Variants in LINGO2 observed in about 807,000 individuals in gnomAD.
The protein encoded by LINGO2 is leucine-rich repeat and immunoglobulin-like domain-containing nogo receptor-interacting protein 2.
LINGO2 carries 14 observed loss-of-function variants against 30.6 expected under a neutral mutation model. The ratio of observed to expected loss-of-function variants is 0.46; its 90% CI spans 0.30 to 0.72. The LOEUF (loss-of-function observed/expected upper bound fraction) is 0.72, where lower values mean the gene tolerates loss of function less well. LINGO2 is among the 30% of genes least tolerant of loss of function. LINGO2 has a pLI of 0.07. For missense variants in LINGO2, 729 were observed against 751.7 expected (o/e 0.97, Z 0.35); for synonymous variants, 317 against 288.5 (o/e 1.10, Z -1.00).
At chr9:28,990,744 C>G in the LINGO2 span, among the ~76,000 whole-genome samples, 9 of 104,762 alleles carry the variant, frequency 8.6e-5, no homozygotes, top group Admixed American at 3.1e-4. Context: ...CCCAGGCTAA[C>G]AGGGTCTGGA....
At chr9:28,973,642 G>T in the LINGO2 span, among the ~76,000 whole-genome samples, 1 of 152,170 alleles carries the variant, frequency 6.6e-6, no homozygotes, top group East Asian at 1.9e-4. Context: ...CAGCCATGTG[G>T]AACTGTGAGT....
intron 4 of LINGO2, among the ~76,000 whole-genome samples, chr9:28,134,904 C>G (rs751013156): frequency 2.0e-5 from 3 of 152,130 alleles, no homozygotes; most frequent in African/African-American, 7.2e-5. Flanking sequence ...GCTGATTACA[C>G]AGATAAGCTC....
At chr9:28,222,861 A>G (rs925806200) in intron 4 of LINGO2, among the ~76,000 whole-genome samples, 1 of 152,192 alleles carries the variant, frequency 6.6e-6, no homozygotes, top group African/African-American at 2.4e-5. Flanking sequence ...ATACAGCTTT[A>G]AGGATGGTAG....
chr9:28,837,850 T>C, the LINGO2 span, among the ~76,000 whole-genome samples: 1 of 150,912 alleles, frequency 6.6e-6, no homozygotes, highest in South Asian at 2.1e-4. Context: ...TTTGAGGTCA[T>C]GAGCTTTTAT....
the LINGO2 span, among the ~76,000 whole-genome samples, chr9:28,767,480 G>A: frequency 6.6e-6 from 1 of 151,868 alleles, no homozygotes; most frequent in African/African-American, 2.4e-5. Context: ...GTTTAGTCTT[G>A]CCCATTAAAA....
the LINGO2 span, among the ~76,000 whole-genome samples, chr9:28,828,352 T>C: frequency 4.6e-5 from 7 of 152,084 alleles, no homozygotes; most frequent in African/African-American, 1.7e-4. Flanking sequence ...CAAAATATTT[T>C]AGATATTTTA....
intron 1 of LINGO2, among the ~76,000 whole-genome samples, chr9:28,506,479 C>CAGACATATAT (rs1260518228): frequency 1.9e-3 from 22 of 11,332 alleles, no homozygotes; most frequent in Admixed American, 8.7e-3. Flanking sequence ...CACACACACA[C>CAGACATATAT]ATACACATAC....
At chr9:27,959,875 C>T (rs1819750703) in intron 5 of LINGO2, among the ~76,000 whole-genome samples, 2 of 152,136 alleles carry the variant, frequency 1.3e-5, no homozygotes, top group African/African-American at 2.4e-5. Flanking sequence ...GTATTAAAAT[C>T]TCTAACTATG....
the LINGO2 span, among the ~76,000 whole-genome samples, chr9:29,182,505 C>T: frequency 1.2e-3 from 188 of 152,216 alleles, no homozygotes; most frequent in Non-Finnish European, 2.2e-3. Flanking sequence ...ACTGGCTCTT[C>T]CCAGGATGAC....
chr9:28,346,449 T>C (rs1049621294), intron 3 of LINGO2, among the ~76,000 whole-genome samples: 8 of 152,166 alleles, frequency 5.3e-5, no homozygotes, highest in Admixed American at 1.3e-4. Flanking sequence ...TGATGGGCAT[T>C]TGGGTTGGTT....
At chr9:29,079,145 G>GAA in the LINGO2 span, among the ~76,000 whole-genome samples, 8 of 150,644 alleles carry the variant, frequency 5.3e-5, no homozygotes, top group African/African-American at 1.5e-4. Flanking sequence ...ATGTTGACAT[G>GAA]AAAAAAAAAT....
chr9:28,351,918 G>T (rs1008568920), intron 3 of LINGO2, among the ~76,000 whole-genome samples: 3 of 150,510 alleles, frequency 2.0e-5, no homozygotes, highest in South Asian at 2.1e-4. Flanking sequence ...TATCTCAATA[G>T]ATGCAGAAAA....
At chr9:28,980,765 T>G in the LINGO2 span, among the ~76,000 whole-genome samples, 1 of 152,270 alleles carries the variant, frequency 6.6e-6, no homozygotes, top group South Asian at 2.1e-4. Flanking sequence ...CTCTGCTTCA[T>G]TTCCTATATC....
At chr9:28,560,288 G>T (rs1402898114) in intron 1 of LINGO2, among the ~76,000 whole-genome samples, 1 of 151,954 alleles carries the variant, frequency 6.6e-6, no homozygotes, top group African/African-American at 2.4e-5. Flanking sequence ...AGCAGATTTG[G>T]GTAAAGTAAG....
chr9:27,983,026 A>T (rs1304077098), intron 5 of LINGO2, among the ~76,000 whole-genome samples: 1 of 151,830 alleles, frequency 6.6e-6, no homozygotes, highest in Non-Finnish European at 1.5e-5. Flanking sequence ...CAATGAACTG[A>T]ACACATAAAA....
At chr9:28,046,695 C>G (rs1001309619) in intron 4 of LINGO2, among the ~76,000 whole-genome samples, 1 of 152,052 alleles carries the variant, frequency 6.6e-6, no homozygotes, top group Non-Finnish European at 1.5e-5. Flanking sequence ...TTTAACCACA[C>G]CTAAAGTTCC....
At chr9:28,758,228 G>C in the LINGO2 span, among the ~76,000 whole-genome samples, 1 of 152,058 alleles carries the variant, frequency 6.6e-6, no homozygotes, top group Admixed American at 6.5e-5. Flanking sequence ...GTACTTTGCA[G>C]ACAGGAGAGT....
chr9:28,357,268 C>T (rs1043092548), intron 3 of LINGO2, among the ~76,000 whole-genome samples: 5 of 149,844 alleles, frequency 3.3e-5, no homozygotes, highest in South Asian at 2.1e-4. Flanking sequence ...GAAAATACAA[C>T]CTTTTATTAG....
At chr9:28,399,153 C>G (rs1391253353) in intron 2 of LINGO2, among the ~76,000 whole-genome samples, 1 of 152,096 alleles carries the variant, frequency 6.6e-6, no homozygotes, top group Non-Finnish European at 1.5e-5. Flanking sequence ...ACTAAACCCC[C>G]AACAAGAATT....
Sources: gnomAD v4.1 joint callset for allele counts (sites outside exome capture counted in the v4.1 genomes callset) on GRCh38, gnomAD v4.1.1 for gene constraint, MANE v1.5 for transcripts, NCBI Gene and HGNC (gene_info 2026-07-23, HGNC 2026-07-21) for gene names.